The following ATP8A1 variants were observed in gnomAD, a reference collection of about 807,000 sequenced individuals.
ATP8A1 encodes phospholipid-transporting ATPase IA.
A neutral mutation model predicts 177.7 loss-of-function variants in ATP8A1; 90 were observed. The ratio of observed to expected loss-of-function variants is 0.51; its 90% CI spans 0.43 to 0.60. The LOEUF is 0.60. Among genes scored for constraint, ATP8A1 ranks in the 20% least tolerant of loss-of-function variants. The probability of loss-of-function intolerance (pLI) is 0.00; values close to 1 mark genes in which losing one functional copy is unlikely to be tolerated. For synonymous variants in ATP8A1, 493 were observed against 485.9 expected (o/e 1.01, Z -0.19); for missense variants, 1,072 against 1,392.8 (o/e 0.77, Z 3.67).
At chr4:42,637,592 T>C (rs1186862843) in intron 1 of ATP8A1, among the ~76,000 whole-genome samples, 1 of 152,224 alleles carries the variant, frequency 6.6e-6, no homozygotes, top group East Asian at 1.9e-4. Flanking sequence ...TCACTTGTCA[T>C]ATGGAGACTT....
At chr4:42,513,009 G>A (rs1020889371) in intron 22 of ATP8A1, among the ~76,000 whole-genome samples, 1 of 152,176 alleles carries the variant, frequency 6.6e-6, no homozygotes, top group Non-Finnish European at 1.5e-5. Flanking sequence ...GTAAACAAAT[G>A]GATGTAGCTG....
chr4:42,436,513 CA>C (rs759870892), intron 33 of ATP8A1, among the ~76,000 whole-genome samples: 1 of 152,342 alleles, frequency 6.6e-6, no homozygotes, highest in South Asian at 2.1e-4. Flanking sequence ...CTTCTCTTTA[CA>C]AAATGGGCTT....
intron 36 of ATP8A1, among the ~76,000 whole-genome samples, chr4:42,413,670 G>A (rs377349054): frequency 1.3e-5 from 2 of 152,022 alleles, no homozygotes; most frequent in African/African-American, 2.4e-5. Context: ...GTAGTATTTC[G>A]TCCATGGCAA....
intron 22 of ATP8A1, among the ~76,000 whole-genome samples, chr4:42,511,307 G>A (rs576817600): frequency 6.6e-6 from 1 of 152,256 alleles, no homozygotes; most frequent in South Asian, 2.1e-4. Context: ...GAGTGTTTAG[G>A]CTATAATCAA....
intron 27 of ATP8A1, among the ~76,000 whole-genome samples, chr4:42,464,488 C>T (rs939053607): frequency 2.3e-4 from 35 of 152,184 alleles, no homozygotes; most frequent in Non-Finnish European, 4.9e-4. Context: ...TGGTCTCGAA[C>T]TCCCGACCTC....
intron 22 of ATP8A1, among the ~76,000 whole-genome samples, chr4:42,507,779 C>CAAAA (rs1724554447): frequency 4.2e-4 from 2 of 4,790 alleles, no homozygotes; most frequent in African/African-American, 6.5e-4. Context: ...GACAGGCATT[C>CAAAA]TAAAAAAAAA....
chr4:42,593,445 T>C (rs1418616319), intron 6 of ATP8A1, among the ~76,000 whole-genome samples: 1 of 152,098 alleles, frequency 6.6e-6, no homozygotes, highest in Non-Finnish European at 1.5e-5. Flanking sequence ...GTAGACTTAC[T>C]TCTATAAATA....
intron 33 of ATP8A1, among the ~76,000 whole-genome samples, chr4:42,437,260 T>C (rs1041665570): frequency 2.0e-5 from 3 of 152,230 alleles, no homozygotes; most frequent in Non-Finnish European, 4.4e-5. Flanking sequence ...TAATCTGGTT[T>C]ATTAATCATT....
At chr4:42,583,478 C>A (rs190430333) in intron 9 of ATP8A1, among the ~76,000 whole-genome samples, 3 of 152,270 alleles carry the variant, frequency 2.0e-5, no homozygotes, top group East Asian at 3.9e-4. Context: ...CCTTACCCAG[C>A]CAATGGGGTA....
intron 20 of ATP8A1, among the ~76,000 whole-genome samples, chr4:42,529,950 CAAAG>C (rs1444177509): frequency 2.6e-5 from 4 of 152,138 alleles, no homozygotes; most frequent in African/African-American, 9.7e-5. Context: ...AAATTGGTGA[CAAAG>C]AAATCTGGGG....
chr4:42,527,657 C>T (rs989500270), intron 20 of ATP8A1, among the ~76,000 whole-genome samples: 2 of 152,150 alleles, frequency 1.3e-5, no homozygotes, highest in Non-Finnish European at 2.9e-5. Context: ...AGTCCCTAGA[C>T]GTGAGGATGA....
At chr4:42,564,574 C>T (rs543825036) in intron 15 of ATP8A1, among the ~76,000 whole-genome samples, 2 of 152,204 alleles carry the variant, frequency 1.3e-5, no homozygotes, top group East Asian at 3.9e-4. Context: ...GCCTGTAGCT[C>T]CTTTGTTTTG....
chr4:42,592,141 C>T (rs1006338586), intron 6 of ATP8A1, among the ~76,000 whole-genome samples: 1 of 152,164 alleles, frequency 6.6e-6, no homozygotes, highest in Non-Finnish European at 1.5e-5. Context: ...AAATGTCTAG[C>T]AGCACAGCTT....
At chr4:42,636,119 TACACAC>T (rs544619447) in intron 1 of ATP8A1, among the ~76,000 whole-genome samples, 1,024 of 79,080 alleles carry the variant, frequency 0.013, 16 homozygotes, top group African/African-American at 0.049. Context: ...ATGGGCTTAA[TACACAC>T]ACACACACAC....
chr4:42,530,945 G>A (rs1278837658), intron 20 of ATP8A1, among the ~76,000 whole-genome samples: 1 of 152,180 alleles, frequency 6.6e-6, no homozygotes, highest in Non-Finnish European at 1.5e-5. Context: ...AGAGGTCTTA[G>A]TTCCAGAGGG....
In ATP8A1 at chr4:42,412,811, C is replaced by T. The variant is rs1276075271; in HGVS notation, c.*105G>A. On this transcript the variant is annotated 3_prime_UTR_variant, in exon 37 of 37. Transcript: ENST00000381668. ...CATCAGCGAGATGAGCTCAGATCTACCTTTCCTCTTCATGGACCAGACTGG... is the reference window on the plus strand; with the variant it reads ...CATCAGCGAGATGAGCTCAGATCTATCTTTCCTCTTCATGGACCAGACTGG... 1.1e-6 allele frequency: 1 copy of T among 881,764 alleles called. No individual in the cohort carries two copies. Among genetic ancestry groups the T allele is most frequent in the African/African-American group, 1.7e-5 (1 of 59,902 alleles). The allele number at this position is 881,764 out of a possible 1,614,324, so 54.6% of individuals were successfully genotyped here.
rs112007100 is a variant in ATP8A1 at position 42,487,824 on chromosome 4, A to G, written c.2152-2156T>C. 7.7e-3 allele frequency among the ~76,000 whole-genome samples: 1,179 copies of G among 152,300 alleles called. 7 individuals are homozygous for G. Among genetic ancestry groups the G allele is most frequent in the African/African-American group, 0.027 (1,104 of 41,566 alleles). ...GAACCAAGTTGTACTATAAAGAAAG[A>G]CTGCCCAACTTTCCTAATGCTGAAG... is the stretch of plus-strand genomic sequence containing the variant. On this transcript the variant is annotated intron_variant, in intron 24 of 36. Transcript: ENST00000381668.
intron 5 of ATP8A1, among the ~76,000 whole-genome samples, chr4:42,606,691 A>C (rs1010176573): frequency 1.3e-5 from 2 of 152,220 alleles, no homozygotes; most frequent in Non-Finnish European, 2.9e-5. Context: ...CAACAGCTGC[A>C]TCATAAAGCA....
chr4:42,597,928 C>T (rs546152947), intron 6 of ATP8A1, among the ~76,000 whole-genome samples: 3 of 152,156 alleles, frequency 2.0e-5, no homozygotes, highest in Non-Finnish European at 4.4e-5. Flanking sequence ...GAATATTATA[C>T]TGAGTCTGGT....
Sources: gnomAD v4.1 joint callset for allele counts (sites outside exome capture counted in the v4.1 genomes callset) on GRCh38, gnomAD v4.1.1 for gene constraint, MANE v1.5 for transcripts, NCBI Gene and HGNC (gene_info 2026-07-23, HGNC 2026-07-21) for gene names.